Variants in FGF12 observed in about 807,000 individuals in gnomAD.
The protein encoded by FGF12 is fibroblast growth factor 12, also known as fibroblast growth factor 12B.
A neutral mutation model predicts 23.6 loss-of-function variants in FGF12; 14 were observed. The observed-to-expected ratio is 0.59, with a 90% CI of 0.39 to 0.93. The LOEUF is 0.93. Ranked by LOEUF, FGF12 falls within the 40% of genes least tolerant of loss-of-function variation. The probability of loss-of-function intolerance (pLI) is 0.00; values close to 1 mark genes in which losing one functional copy is unlikely to be tolerated. For missense variants in FGF12, 175 were observed against 217.8 expected (o/e 0.80, Z 1.24); for synonymous variants, 62 against 77.3 (o/e 0.80, Z 1.04).
chr3:192,649,773 C>T (rs1211535087), intron 2 of FGF12, among the ~76,000 whole-genome samples: 1 of 151,770 alleles, frequency 6.6e-6, no homozygotes, highest in Non-Finnish European at 1.5e-5. Context: ...GTTAGCCAGA[C>T]TGGTCTCAAA....
In FGF12 at chr3:192,345,565, T is replaced by C. The variant is rs1205356364; in HGVS notation, c.125-10101A>G. Among the ~76,000 whole-genome samples, 2 of 92,880 alleles carry C rather than the reference T, an allele frequency of 2.2e-5. 1 individual carries two copies. Among genetic ancestry groups the C allele is most frequent in the Non-Finnish European group, 3.6e-5 (2 of 55,870 alleles). 60.9% of individuals were successfully genotyped at this position (92,880 alleles called of 152,430 possible). A position where few individuals can be genotyped will look rare whatever the true frequency, so the allele number is the denominator to read the frequency against. ...AGCCGGGCGTGGTAGCGGGCGCCTG[T>C]AGTCCCAGCTACTCGGGAGGCTGAG... On this transcript the variant is annotated intron_variant, in intron 3 of 5. Transcript: ENST00000445105.
In FGF12 at chr3:192,143,221, T is replaced by TAAAAA. The variant is rs201536757; in HGVS notation, c.*783_*787dup. The TAAAAA allele has an allele frequency of 2.0e-5, 2 of 99,256 alleles. No individual in the cohort carries two copies. Among genetic ancestry groups the TAAAAA allele is most frequent in the Non-Finnish European group, 2.1e-5 (1 of 46,582 alleles). The allele number at this position is 99,256 out of a possible 1,614,324, so 6.1% of individuals were successfully genotyped here. ...AACAGTAATGTTTTTGCTAAATTAC[T>TAAAAA]AAAAAAAAAAAAAAAAGAAAGAAAG... On this transcript the variant is annotated 3_prime_UTR_variant, in exon 6 of 6. Coordinates refer to ENST00000445105, the MANE Select transcript of FGF12 (RefSeq NM_004113.6).
chr3:192,146,651 T>G (rs572051545), intron 5 of FGF12, among the ~76,000 whole-genome samples: 62 of 152,316 alleles, frequency 4.1e-4, no homozygotes, highest in African/African-American at 1.4e-3. Flanking sequence ...CCACAGATTC[T>G]ACCCAAAACA....
intron 4 of FGF12, among the ~76,000 whole-genome samples, chr3:192,225,949 G>A (rs1245576954): frequency 3.3e-5 from 5 of 152,174 alleles, no homozygotes; most frequent in African/African-American, 1.2e-4. Context: ...AGGGGCTGGG[G>A]GAAGGATGGA....
intron 2 of FGF12, among the ~76,000 whole-genome samples, chr3:192,711,289 G>A (rs1413124674): frequency 7.9e-6 from 1 of 126,854 alleles, no homozygotes; most frequent in Non-Finnish European, 1.5e-5. Flanking sequence ...AGGGAGGTGG[G>A]GGGCAGCCCC....
At chr3:192,476,072 T>C (rs1406143249) in intron 2 of FGF12, among the ~76,000 whole-genome samples, 5 of 152,138 alleles carry the variant, frequency 3.3e-5, no homozygotes, top group Non-Finnish European at 2.9e-5. Context: ...TAGAATAACG[T>C]GATCCCCAAG....
chr3:192,540,264 G>A (rs192104654), intron 2 of FGF12, among the ~76,000 whole-genome samples: 30 of 151,966 alleles, frequency 2.0e-4, no homozygotes, highest in Admixed American at 2.6e-4. Flanking sequence ...AATTTTTGAC[G>A]TAGGTAATTA....
At chr3:192,583,615 G>A (rs1202212794) in intron 2 of FGF12, among the ~76,000 whole-genome samples, 2 of 152,114 alleles carry the variant, frequency 1.3e-5, no homozygotes, top group Admixed American at 6.5e-5. Flanking sequence ...AAAAAAAAAT[G>A]TGACTTTCAG....
At chr3:192,449,601 C>G (rs912905004) in intron 2 of FGF12, among the ~76,000 whole-genome samples, 1 of 152,160 alleles carries the variant, frequency 6.6e-6, no homozygotes, top group African/African-American at 2.4e-5. Context: ...GAAGGCTTCT[C>G]TATCCCTTGG....
intron 2 of FGF12, among the ~76,000 whole-genome samples, chr3:192,643,028 A>G (rs1260162657): frequency 1.3e-5 from 2 of 152,198 alleles, no homozygotes; most frequent in Non-Finnish European, 2.9e-5. Flanking sequence ...CTGTATATTC[A>G]CAATCATTAA....
At chr3:192,414,245 T>C (rs1264960120) in intron 2 of FGF12, among the ~76,000 whole-genome samples, 1 of 152,168 alleles carries the variant, frequency 6.6e-6, no homozygotes, top group East Asian at 1.9e-4. Context: ...ATTACAATTA[T>C]TGACACATTG....
chr3:192,337,697 C>T (rs1042846333), intron 3 of FGF12, among the ~76,000 whole-genome samples: 4 of 152,124 alleles, frequency 2.6e-5, no homozygotes, highest in African/African-American at 9.7e-5. Flanking sequence ...ATGCTTATTG[C>T]ACAGAGTTGA....
chr3:192,265,303 A>G (rs1252456766), intron 4 of FGF12: 1 of 152,080 alleles, frequency 6.6e-6, no homozygotes, highest in East Asian at 1.9e-4. Flanking sequence ...CCGTGTTGGG[A>G]GTTCACTGGT....
At chr3:192,466,197 AAC>A (rs1723007857) in intron 2 of FGF12, among the ~76,000 whole-genome samples, 1 of 152,194 alleles carries the variant, frequency 6.6e-6, no homozygotes, top group Non-Finnish European at 1.5e-5. Flanking sequence ...AACATATCTA[AAC>A]ACAGAAAACA....
chr3:192,684,303 A>G (rs934832727), intron 2 of FGF12, among the ~76,000 whole-genome samples: 3 of 152,234 alleles, frequency 2.0e-5, no homozygotes, highest in African/African-American at 7.2e-5. Flanking sequence ...CAGACCCACC[A>G]GAAGATCTGT....
At chr3:192,463,496 T>C (rs552839858) in intron 2 of FGF12, among the ~76,000 whole-genome samples, 1 of 152,302 alleles carries the variant, frequency 6.6e-6, no homozygotes, top group Non-Finnish European at 1.5e-5. Flanking sequence ...CTTGTTTCCA[T>C]CAACTGGTTA....
intron 2 of FGF12, among the ~76,000 whole-genome samples, chr3:192,697,897 G>A (rs1317579917): frequency 6.6e-6 from 1 of 152,042 alleles, no homozygotes; most frequent in Non-Finnish European, 1.5e-5. Context: ...TTGTGCAAAT[G>A]TTGCCTCTTC....
At chr3:192,155,204 C>T (rs369116478) in intron 5 of FGF12, among the ~76,000 whole-genome samples, 2 of 152,038 alleles carry the variant, frequency 1.3e-5, no homozygotes, top group Non-Finnish European at 2.9e-5. Context: ...CTGACCTGCG[C>T]CCACTGTCTG....
intron 2 of FGF12, among the ~76,000 whole-genome samples, chr3:192,453,123 C>T (rs1722576239): frequency 6.6e-6 from 1 of 152,074 alleles, no homozygotes; most frequent in African/African-American, 2.4e-5. Context: ...TTCTACCTTC[C>T]TTCTCTGCAT....
Sources: gnomAD v4.1 joint callset for allele counts (sites outside exome capture counted in the v4.1 genomes callset) on GRCh38, gnomAD v4.1.1 for gene constraint, MANE v1.5 for transcripts, NCBI Gene and HGNC (gene_info 2026-07-23, HGNC 2026-07-21) for gene names.